CHN1: variants seen among roughly 807,000 people sequenced by gnomAD.
CHN1 encodes chimerin 1.
CHN1 carries 37 observed loss-of-function variants against 59.5 expected under a neutral mutation model. The ratio of observed to expected loss-of-function variants is 0.62; its 90% confidence interval spans 0.48 to 0.82. The LOEUF is 0.82. CHN1 is among the 40% of genes least tolerant of loss of function. The pLI, the probability that CHN1 is intolerant of heterozygous loss-of-function variation, is 0.00. For missense variants in CHN1, 469 were observed against 571.0 expected, an observed-to-expected ratio of 0.82 and a Z score of 1.82; for synonymous variants, 206 against 200.4, an observed-to-expected ratio of 1.03 and a Z score of -0.24.
chr2:174,875,757 A>C, intron 6 of CHN1: 1 of 928,772 alleles, frequency 1.1e-6, no homozygotes, highest in Non-Finnish European at 1.3e-6. Flanking sequence ...TAGATACCTT[A>C]AATCAATTAA....
intron 6 of CHN1, among the ~76,000 whole-genome samples, chr2:174,873,020 C>T (rs923214823): frequency 6.8e-6 from 1 of 147,724 alleles, no homozygotes; most frequent in African/African-American, 2.5e-5. Flanking sequence ...CTAATATATA[C>T]TTTTTTTTTT....
At chr2:174,820,071 T>C (rs1365523895) in intron 8 of CHN1, among the ~76,000 whole-genome samples, 1 of 152,108 alleles carries the variant, frequency 6.6e-6, no homozygotes, top group Non-Finnish European at 1.5e-5. Context: ...TCAATCATTG[T>C]TGGACATTTG....
chr2:174,902,367 C>T (rs1480258063), intron 5 of CHN1, among the ~76,000 whole-genome samples: 2 of 152,044 alleles, frequency 1.3e-5, no homozygotes, highest in East Asian at 3.8e-4. Flanking sequence ...CTCACATAAA[C>T]TGGAATTATT....
intron 1 of CHN1, among the ~76,000 whole-genome samples, chr2:174,964,315 A>G (rs1170590796): frequency 6.6e-6 from 1 of 152,184 alleles, no homozygotes; most frequent in Admixed American, 6.5e-5. Flanking sequence ...TGGATGTCCT[A>G]TGGTCTTGGA....
intron 1 of CHN1, among the ~76,000 whole-genome samples, chr2:174,956,907 G>C (rs1449806977): frequency 6.6e-6 from 1 of 152,138 alleles, no homozygotes; most frequent in Non-Finnish European, 1.5e-5. Context: ...ACTGAATTTA[G>C]CAGCAAATAC....
rs981480823 is a variant in CHN1, at chr2:174,992,325, G to C, written c.19+12569C>G. On this transcript the variant is annotated intron_variant, in intron 1 of 12. Coordinates refer to ENST00000409900, the MANE Select transcript of CHN1 (RefSeq NM_001822.7). ...CAGGCTGGAGATAGATAAAAGACTT[G>C]GGAATCATTCACACGGTGTTCACTG... 4.6e-5 allele frequency among the ~76,000 whole-genome samples: 7 copies of C among 152,222 alleles called. No individual in the cohort carries two copies. In the South Asian group the frequency reaches 1.2e-3, roughly 27 times the overall value.
At chr2:174,806,794 C>T (rs1684898369) in intron 11 of CHN1, among the ~76,000 whole-genome samples, 1 of 152,038 alleles carries the variant, frequency 6.6e-6, no homozygotes, top group Non-Finnish European at 1.5e-5. Flanking sequence ...AGAGAATGGC[C>T]GTATCTGCAC....
chr2:174,861,319 A>C (rs1163888023), intron 6 of CHN1, among the ~76,000 whole-genome samples: 1 of 152,226 alleles, frequency 6.6e-6, no homozygotes, highest in Non-Finnish European at 1.5e-5. Flanking sequence ...ACTCTCAAAG[A>C]CTATGTGGTG....
intron 7 of CHN1, chr2:174,846,481 A>T: frequency 1.4e-5 from 20 of 1,461,050 alleles, no homozygotes; most frequent in Non-Finnish European, 1.8e-5. Flanking sequence ...ATGCAACAGC[A>T]CATGCCTCTT....
At chr2:174,963,857 T>C (rs1690504146) in intron 1 of CHN1, among the ~76,000 whole-genome samples, 1 of 152,096 alleles carries the variant, frequency 6.6e-6, no homozygotes, top group African/African-American at 2.4e-5. Context: ...AACTGAAAAT[T>C]GCAGGTGGCA....
intron 1 of CHN1, among the ~76,000 whole-genome samples, chr2:174,979,011 G>A (rs952690543): frequency 6.6e-6 from 1 of 152,180 alleles, no homozygotes; most frequent in African/African-American, 2.4e-5. Context: ...AGAAAAACAT[G>A]AGTAAAGTAC....
intron 3 of CHN1, among the ~76,000 whole-genome samples, chr2:174,930,423 C>T (rs111400202): frequency 1.7e-3 from 255 of 152,284 alleles, no homozygotes; most frequent in Non-Finnish European, 3.0e-3. Flanking sequence ...CACTTTATTA[C>T]GGCTCAGGGT....
intron 2 of CHN1, among the ~76,000 whole-genome samples, chr2:174,951,907 G>C (rs1445489022): frequency 6.6e-6 from 1 of 152,164 alleles, no homozygotes; most frequent in East Asian, 1.9e-4. Flanking sequence ...CTCTGAACAA[G>C]TGGTCTCAAG....
At chr2:174,906,090 C>T (rs116060241) in intron 5 of CHN1, among the ~76,000 whole-genome samples, 3,624 of 152,084 alleles carry the variant, frequency 0.024, 142 homozygotes, top group African/African-American at 0.082. Flanking sequence ...AGTTACAATA[C>T]GACCCAGCAA....
intron 1 of CHN1, among the ~76,000 whole-genome samples, chr2:174,992,190 G>T (rs1428008869): frequency 6.6e-6 from 1 of 152,224 alleles, no homozygotes; most frequent in Non-Finnish European, 1.5e-5. Context: ...GGTATCAGAG[G>T]CAAAGAAAGA....
At chr2:174,885,274 CA>C (rs1039960761) in intron 5 of CHN1, among the ~76,000 whole-genome samples, 1 of 138,060 alleles carries the variant, frequency 7.2e-6, no homozygotes, top group Admixed American at 7.3e-5. Flanking sequence ...GACTCGGTCT[CA>C]AAAAAAAGAA....
intron 1 of CHN1, among the ~76,000 whole-genome samples, chr2:174,969,060 G>A (rs983867558): frequency 6.6e-6 from 1 of 152,144 alleles, no homozygotes; most frequent in African/African-American, 2.4e-5. Flanking sequence ...ATATATATGT[G>A]AAATGTACTA....
intron 6 of CHN1, among the ~76,000 whole-genome samples, chr2:174,876,288 A>C (rs910598625): frequency 7.2e-5 from 11 of 152,236 alleles, no homozygotes; most frequent in African/African-American, 2.4e-4. Context: ...TGCATTAACA[A>C]AGGTTTTCAC....
At chr2:174,897,867 C>T (rs2105353294) in intron 5 of CHN1, among the ~76,000 whole-genome samples, 1 of 152,268 alleles carries the variant, frequency 6.6e-6, no homozygotes, top group Non-Finnish European at 1.5e-5. Context: ...AAAGAACCCA[C>T]TTAAAGTATT....
Sources: gnomAD v4.1 joint callset for allele counts (sites outside exome capture counted in the v4.1 genomes callset) on GRCh38, gnomAD v4.1.1 for gene constraint, MANE v1.5 for transcripts, NCBI Gene and HGNC (gene_info 2026-07-23, HGNC 2026-07-21) for gene names.